Variants in CNTNAP5 observed in about 807,000 individuals in gnomAD.
CNTNAP5 encodes contactin associated protein family member 5, also known as contactin-associated protein-like 5.
A neutral mutation model predicts 150.2 loss-of-function variants in CNTNAP5; 72 were observed. The ratio of observed to expected loss-of-function variants is 0.48; its 90% CI spans 0.40 to 0.58. CNTNAP5 has a LOEUF of 0.58. Among genes scored for constraint, CNTNAP5 ranks in the 20% least tolerant of loss-of-function variants. The probability of loss-of-function intolerance (pLI) is 0.00; values close to 1 mark genes in which losing one functional copy is unlikely to be tolerated. For missense variants in CNTNAP5, 1,636 were observed against 1,626.2 expected (o/e 1.01, Z -0.10); for synonymous variants, 672 against 619.8 (o/e 1.08, Z -1.25).
intron 1 of CNTNAP5, among the ~76,000 whole-genome samples, chr2:124,132,918 C>A (rs536709108): frequency 2.0e-5 from 3 of 152,256 alleles, no homozygotes; most frequent in South Asian, 2.1e-4. Flanking sequence ...CTACTCCTCG[C>A]ACCTCTGTCT....
chr2:124,240,049 A>G (rs528720482), intron 2 of CNTNAP5, among the ~76,000 whole-genome samples: 1 of 152,164 alleles, frequency 6.6e-6, no homozygotes, highest in East Asian at 1.9e-4. Context: ...GATTTACCCT[A>G]TGTTTTAATC....
At chr2:124,309,457 T>C (rs1688771290) in intron 3 of CNTNAP5, among the ~76,000 whole-genome samples, 1 of 152,230 alleles carries the variant, frequency 6.6e-6, no homozygotes, top group African/African-American at 2.4e-5. Context: ...TGAACATTTA[T>C]TTGACAAATC....
At chr2:124,333,487 T>C (rs1275500386) in intron 3 of CNTNAP5, among the ~76,000 whole-genome samples, 1 of 152,142 alleles carries the variant, frequency 6.6e-6, no homozygotes, top group African/African-American at 2.4e-5. Context: ...TGTTTGGGTT[T>C]GTCAGGTGGA....
intron 1 of CNTNAP5, among the ~76,000 whole-genome samples, chr2:124,041,596 A>G (rs1681374099): frequency 6.6e-6 from 1 of 152,154 alleles, no homozygotes; most frequent in South Asian, 2.1e-4. Context: ...GTGGTTTTCA[A>G]TCAGATGTAA....
intron 12 of CNTNAP5, among the ~76,000 whole-genome samples, chr2:124,646,219 C>T (rs570027634): frequency 6.6e-6 from 1 of 152,212 alleles, no homozygotes; most frequent in African/African-American, 2.4e-5. Context: ...ACGACATGTC[C>T]CAAGTTGTGT....
chr2:124,644,054 T>G (rs576906951), intron 12 of CNTNAP5, among the ~76,000 whole-genome samples: 1 of 152,362 alleles, frequency 6.6e-6, no homozygotes, highest in African/African-American at 2.4e-5. Context: ...TCCAACTAAC[T>G]TGACCATCTT....
intron 3 of CNTNAP5, among the ~76,000 whole-genome samples, chr2:124,306,282 C>A (rs1400000304): frequency 6.6e-6 from 1 of 152,182 alleles, no homozygotes; most frequent in African/African-American, 2.4e-5. Context: ...GTCTCAGCCA[C>A]CCTTTCTGCC....
intron 13 of CNTNAP5, among the ~76,000 whole-genome samples, chr2:124,712,910 C>T (rs1332847883): frequency 6.6e-6 from 1 of 152,036 alleles, no homozygotes; most frequent in Admixed American, 6.6e-5. Flanking sequence ...TTGAGTCTGT[C>T]CTTCAGGCCT....
chr2:124,606,364 A>T (rs1444993596), intron 11 of CNTNAP5, among the ~76,000 whole-genome samples: 1 of 142,318 alleles, frequency 7.0e-6, no homozygotes, highest in African/African-American at 3.0e-5. Context: ...ATAACTTGTA[A>T]AAGTAAAAAA....
chr2:124,583,977 C>T (rs1696470946), intron 11 of CNTNAP5, among the ~76,000 whole-genome samples: 1 of 152,302 alleles, frequency 6.6e-6, no homozygotes, highest in African/African-American at 2.4e-5. Flanking sequence ...CTAGCTCCCG[C>T]ACCTCCTCAC....
chr2:124,282,632 T>C lies in CNTNAP5; in HGVS notation c.381+40239T>C, dbSNP rs139000206. 3.3e-3 allele frequency among the ~76,000 whole-genome samples: 501 copies of C among 152,170 alleles called. 3 individuals are homozygous for C. Among genetic ancestry groups the C allele is most frequent in the African/African-American group, 0.012 (481 of 41,542 alleles). On this transcript the variant is annotated intron_variant, in intron 3 of 23. Coordinates refer to ENST00000682447, the MANE Select transcript of CNTNAP5 (RefSeq NM_001367498.1). The stretch of plus-strand genomic sequence containing the variant: ...TTCAGGTGAAGGACTTTTTTTTTTT[T>C]TGCATGAATGTTTCCAAGGCATACA...
chr2:124,091,190 T>A (rs1682804977), intron 1 of CNTNAP5, among the ~76,000 whole-genome samples: 1 of 152,058 alleles, frequency 6.6e-6, no homozygotes, highest in Non-Finnish European at 1.5e-5. Context: ...GGTGAAATAG[T>A]GAGCAGGGAG....
chr2:124,750,754 G>C (rs1374906046), intron 14 of CNTNAP5, among the ~76,000 whole-genome samples: 2 of 152,002 alleles, frequency 1.3e-5, no homozygotes, highest in African/African-American at 4.8e-5. Flanking sequence ...GGGAGGCCGA[G>C]GTGGGCGGAT....
At chr2:124,499,780 A>T (rs1027511917) in intron 7 of CNTNAP5, among the ~76,000 whole-genome samples, 5 of 152,146 alleles carry the variant, frequency 3.3e-5, no homozygotes, top group Non-Finnish European at 5.9e-5. Flanking sequence ...CCACATTGTT[A>T]TTGGTATTAA....
chr2:124,085,280 G>T (rs1255655667), intron 1 of CNTNAP5, among the ~76,000 whole-genome samples: 1 of 152,074 alleles, frequency 6.6e-6, no homozygotes, highest in Non-Finnish European at 1.5e-5. Context: ...GTTTGGTTGT[G>T]ATATTTTGTA....
At chr2:124,182,709 A>G (rs1685238813) in intron 1 of CNTNAP5, among the ~76,000 whole-genome samples, 1 of 152,202 alleles carries the variant, frequency 6.6e-6, no homozygotes, top group Admixed American at 6.5e-5. Flanking sequence ...CATTTGTCAT[A>G]TAACATTTCA....
At chr2:124,412,208 C>G (rs1393822546) in intron 3 of CNTNAP5, among the ~76,000 whole-genome samples, 1,524 of 140,650 alleles carry the variant, frequency 0.011, 19 homozygotes, top group African/African-American at 0.036. Context: ...AACTACAAAC[C>G]ACTGCTCAAG....
chr2:124,714,100 T>A (rs987395306), intron 13 of CNTNAP5, among the ~76,000 whole-genome samples: 3 of 152,094 alleles, frequency 2.0e-5, no homozygotes, highest in Non-Finnish European at 4.4e-5. Flanking sequence ...TCATTCTGAG[T>A]TTGCTGAGCT....
In CNTNAP5 at chr2:124,074,997, C is replaced by T. The variant is rs1354026449; in HGVS notation, c.82+49265C>T. Among the ~76,000 whole-genome samples the T allele has an allele frequency of 2.0e-5, 3 of 151,914 alleles. 1 individual carries two copies. Among genetic ancestry groups the T allele is most frequent in the Admixed American group, 2.0e-4 (3 of 15,224 alleles). ...CTGTGAAAGCTGAAATTGCATCAAA[C>T]ACAATAATCAACATGAAAAAGTGCA... On this transcript the variant is annotated intron_variant, in intron 1 of 23. Transcript: ENST00000682447.
Sources: allele counts gnomAD v4.1 joint callset (sites outside exome capture counted in the v4.1 genomes callset), GRCh38; gene constraint gnomAD v4.1.1; transcripts MANE v1.5; gene names NCBI Gene and HGNC (gene_info 2026-07-23, HGNC 2026-07-21).